ALK: variants seen among roughly 807,000 people sequenced by gnomAD.
The protein encoded by ALK is ALK tyrosine kinase receptor.
In ALK, 74 loss-of-function variants were observed where a neutral mutation model predicts 163.1. The ratio of observed to expected loss-of-function variants is 0.45; its 90% CI spans 0.38 to 0.55. The LOEUF (loss-of-function observed/expected upper bound fraction) is 0.55. Among genes scored for constraint, ALK ranks in the 20% least tolerant of loss-of-function variants. The pLI, the probability that ALK is intolerant of heterozygous loss-of-function variation, is 0.00. For missense variants in ALK, 2,063 were observed against 2,105.3 expected (o/e 0.98, Z 0.39); for synonymous variants, 960 against 843.2 (o/e 1.14, Z -2.40).
intron 4 of ALK, among the ~76,000 whole-genome samples, chr2:29,441,547 G>A (rs773869241): frequency 1.1e-4 from 17 of 152,196 alleles, no homozygotes; most frequent in Non-Finnish European, 2.4e-4. Flanking sequence ...AGGTGATGGA[G>A]CACTTGTAGG....
chr2:29,429,408 G>C (rs1049278630), intron 4 of ALK, among the ~76,000 whole-genome samples: 2 of 151,938 alleles, frequency 1.3e-5, no homozygotes, highest in Admixed American at 1.3e-4. Flanking sequence ...CAAGGTTGCA[G>C]TATACCAAAA....
chr2:29,483,032 G>A (rs948950667), intron 4 of ALK, among the ~76,000 whole-genome samples: 12 of 152,156 alleles, frequency 7.9e-5, no homozygotes, highest in African/African-American at 2.9e-4. Flanking sequence ...AGCAACATGT[G>A]TTCTAGAATA....
chr2:29,729,504 C>T (rs111327407), intron 1 of ALK, among the ~76,000 whole-genome samples: 21 of 152,230 alleles, frequency 1.4e-4, no homozygotes, highest in Admixed American at 2.6e-4. Context: ...TCAAGTACCA[C>T]GGTAAAAAGG....
chr2:29,199,760 G>T (rs184911117), intron 26 of ALK, among the ~76,000 whole-genome samples: 94 of 152,086 alleles, frequency 6.2e-4, no homozygotes, highest in African/African-American at 2.2e-3. Context: ...TGTTCTAAAA[G>T]AATCACCTTT....
At chr2:29,324,446 G>A (rs1346386384) in intron 6 of ALK, among the ~76,000 whole-genome samples, 1 of 152,226 alleles carries the variant, frequency 6.6e-6, no homozygotes, top group East Asian at 1.9e-4. Flanking sequence ...GGAGGATTAT[G>A]GGCGATAGTT....
chr2:29,763,086 CAAAAAAAAAAA>C (rs1034835014), intron 1 of ALK, among the ~76,000 whole-genome samples: 3 of 53,094 alleles, frequency 5.7e-5, no homozygotes, highest in Non-Finnish European at 4.0e-5. Flanking sequence ...GACTCCATCT[CAAAAAAAAAAA>C]AAAAAAAAAA....
chr2:29,370,766 C>A (rs1668619649), intron 5 of ALK, among the ~76,000 whole-genome samples: 1 of 152,194 alleles, frequency 6.6e-6, no homozygotes, highest in Non-Finnish European at 1.5e-5. Context: ...CCCGTGCCCA[C>A]CTTCTGGCCC....
chr2:29,587,562 T>C (rs1341564373), intron 3 of ALK, among the ~76,000 whole-genome samples: 1 of 152,226 alleles, frequency 6.6e-6, no homozygotes, highest in African/African-American at 2.4e-5. Context: ...AGTCACATGC[T>C]AATGTGTCAA....
intron 4 of ALK, among the ~76,000 whole-genome samples, chr2:29,483,850 G>A (rs774843976): frequency 5.9e-5 from 9 of 152,016 alleles, no homozygotes; most frequent in East Asian, 1.9e-4. Flanking sequence ...ATATTAGTCC[G>A]TTCTCAAACT....
At chr2:29,773,420 CCT>C (rs1245667486) in intron 1 of ALK, among the ~76,000 whole-genome samples, 1 of 152,126 alleles carries the variant, frequency 6.6e-6, no homozygotes, top group African/African-American at 2.4e-5. Flanking sequence ...TCTCTCTTCC[CCT>C]CTTTACTTGT....
Position 29,267,857 on chromosome 2 carries a change from T to TA in ALK, c.2041+7241dup, listed in dbSNP as rs1278217761. Among the ~76,000 whole-genome samples the TA allele has an allele frequency of 2.6e-5, 4 of 152,246 alleles. No homozygotes were observed. In the East Asian group the frequency reaches 5.8e-4, roughly 22 times the overall value. On this transcript the variant is annotated intron_variant, in intron 11 of 28. Transcript: ENST00000389048. ...AGCAGCAAGTCTGAGAGAAGAATGA[T>TA]AAAAAAGCAGTCTTCCCAAACAAGT...
chr2:29,454,331 C>T (rs1477923383), intron 4 of ALK, among the ~76,000 whole-genome samples: 1 of 152,204 alleles, frequency 6.6e-6, no homozygotes, highest in East Asian at 1.9e-4. Flanking sequence ...ATAACCTACA[C>T]ATATCTTTCC....
At chr2:29,444,851 A>G (rs1247216133) in intron 4 of ALK, among the ~76,000 whole-genome samples, 2 of 152,148 alleles carry the variant, frequency 1.3e-5, no homozygotes, top group Non-Finnish European at 2.9e-5. Flanking sequence ...GCTGCTGGTT[A>G]TAGTAGCTGA....
At chr2:29,193,996 G>T in intron 28 of ALK, 74 bp from the exon 29 acceptor site, 1 of 1,381,092 alleles carries the variant, frequency 7.2e-7, no homozygotes, top group Non-Finnish European at 1.0e-6. Flanking sequence ...CCTTAGAGAT[G>T]ATGTTATCTA....
At chr2:29,426,249 G>C (rs1265422770) in intron 4 of ALK, among the ~76,000 whole-genome samples, 1 of 152,114 alleles carries the variant, frequency 6.6e-6, no homozygotes, top group Non-Finnish European at 1.5e-5. Flanking sequence ...CCACTGCAGG[G>C]AAATAGACTA....
chr2:29,858,460 C>T (rs531531573), intron 1 of ALK, among the ~76,000 whole-genome samples: 18 of 151,740 alleles, frequency 1.2e-4, no homozygotes, highest in Non-Finnish European at 1.6e-4. Context: ...AGGCCGGGTG[C>T]GGTGGCTCAT....
At chr2:29,874,375 G>C (rs1295574959) in intron 1 of ALK, among the ~76,000 whole-genome samples, 3 of 151,264 alleles carry the variant, frequency 2.0e-5, no homozygotes, top group African/African-American at 7.3e-5. Context: ...TAAACCCAAA[G>C]ACACTCAGTG....
chr2:29,327,202 TGCCAGTGGG>T (rs2148257066), intron 6 of ALK, among the ~76,000 whole-genome samples: 1 of 152,218 alleles, frequency 6.6e-6, no homozygotes, highest in East Asian at 1.9e-4. Context: ...CCGCCCCGAC[TGCCAGTGGG>T]GCCTCGGCAA....
intron 4 of ALK, among the ~76,000 whole-genome samples, chr2:29,414,394 G>A (rs575612301): frequency 1.3e-5 from 2 of 152,304 alleles, no homozygotes; most frequent in South Asian, 4.1e-4. Flanking sequence ...TAACCTGACA[G>A]CCTGGAGACT....
Sources: gnomAD v4.1 joint callset for allele counts (sites outside exome capture counted in the v4.1 genomes callset) on GRCh38, gnomAD v4.1.1 for gene constraint, MANE v1.5 for transcripts, NCBI Gene and HGNC (gene_info 2026-07-23, HGNC 2026-07-21) for gene names.